PTPN5: variants seen among roughly 807,000 people sequenced by gnomAD.
The protein encoded by PTPN5 is tyrosine-protein phosphatase non-receptor type 5.
In PTPN5, 29 loss-of-function variants were observed where a neutral mutation model predicts 73.9. That is an observed-to-expected ratio of 0.39 (90% CI 0.29 to 0.54). PTPN5 has a LOEUF of 0.54. PTPN5 is among the 20% of genes least tolerant of loss of function. PTPN5 has a pLI of 0.65. For synonymous variants in PTPN5, 267 were observed against 304.7 expected (o/e 0.88, Z 1.29); for missense variants, 652 against 751.4 (o/e 0.87, Z 1.55).
Position 18,732,669 on chromosome 11 carries a change from C to T in PTPN5, c.1252G>A (p.Ala418Thr). ...CTEYWPEEQV[A>T]YDGVEITVQK... Reference sequence around the variant, plus strand: ...ACAGTGATCTCAACACCGTCGTACGCCACCTGCTCCTCCGGCCAATACTCG... The same window carrying T: ...ACAGTGATCTCAACACCGTCGTACGTCACCTGCTCCTCCGGCCAATACTCG... Residue 418 changes from alanine (A) to threonine (T), a missense_variant, in exon 12 of 15, where the codon GCG (alanine) becomes ACG (threonine). Transcript: ENST00000358540. 6.2e-7 allele frequency: 1 copy of T among 1,613,912 alleles called. No homozygotes were observed. The highest frequency in any genetic ancestry group is 8.5e-7 in the Non-Finnish European group (1 of 1,180,014).
chr11:18,779,387 G>C (rs1851317307), intron 1 of PTPN5, among the ~76,000 whole-genome samples: 2 of 152,058 alleles, frequency 1.3e-5, no homozygotes, highest in Admixed American at 6.6e-5. Context: ...TGTAAACTAG[G>C]AAAAAATCCC....
At chr11:18,770,048 G>A (rs542612453) in intron 2 of PTPN5, among the ~76,000 whole-genome samples, 1 of 151,712 alleles carries the variant, frequency 6.6e-6, no homozygotes, top group East Asian at 1.9e-4. Context: ...AACACGAAGT[G>A]GGGGAGCAGC....
intron 3 of PTPN5, among the ~76,000 whole-genome samples, chr11:18,756,581 C>A (rs1047091458): frequency 6.6e-5 from 10 of 151,924 alleles, no homozygotes; most frequent in African/African-American, 2.4e-4. Context: ...ATAGGCTGAG[C>A]CACTGCACCC....
At chr11:18,780,779 C>T (rs1396827621) in intron 1 of PTPN5, among the ~76,000 whole-genome samples, 4 of 152,184 alleles carry the variant, frequency 2.6e-5, no homozygotes, top group Non-Finnish European at 5.9e-5. Context: ...ATAAAACCCC[C>T]TCTTTATCCC....
At chr11:18,786,047 G>A (rs1851651948) in intron 1 of PTPN5, among the ~76,000 whole-genome samples, 2 of 152,330 alleles carry the variant, frequency 1.3e-5, no homozygotes, top group South Asian at 2.1e-4. Flanking sequence ...GGTGGCTTCT[G>A]TTCCATGTGC....
chr11:18,787,078 C>T (rs941598171), intron 1 of PTPN5, among the ~76,000 whole-genome samples: 7 of 152,096 alleles, frequency 4.6e-5, no homozygotes, highest in Non-Finnish European at 7.3e-5. Flanking sequence ...ATTTCAGGTA[C>T]GTTTTACTAT....
At chr11:18,780,094 C>T (rs907143877) in intron 1 of PTPN5, among the ~76,000 whole-genome samples, 1 of 152,186 alleles carries the variant, frequency 6.6e-6, no homozygotes, top group Non-Finnish European at 1.5e-5. Context: ...CTCTTTGTAC[C>T]AGGCAGTGCC....
intron 12 of PTPN5, chr11:18,730,790 C>T (rs1045815152): frequency 2.6e-5 from 4 of 152,266 alleles, no homozygotes; most frequent in Admixed American, 1.3e-4. Context: ...GACCCACTCT[C>T]CTCAGTCCTT....
Position 18,751,569 on chromosome 11 carries a change from G to T in PTPN5, c.98-7370C>A, listed in dbSNP as rs548746634. 1.7e-3 allele frequency among the ~76,000 whole-genome samples: 252 copies of T among 152,314 alleles called. 2 individuals are homozygous for T. Among genetic ancestry groups the T allele is most frequent in the African/African-American group, 5.8e-3 (240 of 41,572 alleles). ...AGAGATCCACGCAAGGAGGAGGTAG[G>T]AAGATGATAAGGGTTTGGGCCAGCA... On this transcript the variant is annotated intron_variant, in intron 3 of 14. Coordinates refer to ENST00000358540, the MANE Select transcript of PTPN5 (RefSeq NM_006906.2).
At position 18,742,155 on chromosome 11, in the gene PTPN5, C is replaced by A. The variant is rs1436066110; in HGVS notation, c.725+107G>T. On this transcript the variant is annotated intron_variant, in intron 7 of 14. Coordinates refer to ENST00000358540, the MANE Select transcript of PTPN5 (RefSeq NM_006906.2). The surrounding 1 kb of genome is among the most constrained non-coding windows in gnomAD (Gnocchi z 4.1). The stretch of plus-strand genomic sequence containing the variant: ...TGTCTACACTGGCTAAGCTATAAGG[C>A]CAGCTCTGCCCTGGGCACCAGGAGT... The A allele has an allele frequency of 2.7e-6, 4 of 1,496,720 alleles. No individual in the cohort carries two copies. The highest frequency in any genetic ancestry group is 3.6e-6 in the Non-Finnish European group (4 of 1,099,358). The allele number at this position is 1,496,720 out of a possible 1,614,324, so 92.7% of individuals were successfully genotyped here.
chr11:18,762,239 C>T (rs905050571), intron 3 of PTPN5, among the ~76,000 whole-genome samples: 3 of 152,140 alleles, frequency 2.0e-5, no homozygotes, highest in Non-Finnish European at 2.9e-5. Flanking sequence ...GGTGTGGGAA[C>T]GAATGAGCCA....
intron 3 of PTPN5, among the ~76,000 whole-genome samples, chr11:18,765,482 C>T (rs556140540): frequency 2.0e-5 from 3 of 152,230 alleles, no homozygotes; most frequent in Non-Finnish European, 2.9e-5. Flanking sequence ...CTCTTGAAGT[C>T]AGCCCAGCCC....
intron 2 of PTPN5, among the ~76,000 whole-genome samples, chr11:18,769,148 G>A (rs1411099474): frequency 7.9e-5 from 12 of 152,204 alleles, no homozygotes; most frequent in South Asian, 6.2e-4. Context: ...TTCAACAGGC[G>A]TGTGCTGAGC....
Position 18,742,550 on chromosome 11 carries a change from C to T in PTPN5, c.484-47G>A, listed in dbSNP as rs143686202. 6.3e-7 allele frequency: 1 copy of T among 1,599,618 alleles called. No individual in the cohort carries two copies. The highest frequency in any genetic ancestry group is 1.7e-5 in the Admixed American group (1 of 59,780). On this transcript the variant is annotated intron_variant, in intron 6 of 14. Coordinates refer to ENST00000358540, the MANE Select transcript of PTPN5 (RefSeq NM_006906.2). The surrounding 1 kb of genome is among the most constrained non-coding windows in gnomAD (Gnocchi z 4.1). The stretch of plus-strand genomic sequence containing the variant: ...ACAGATTTCGGACCACGCTGGCTGC[C>T]CCCCGTGTTCCTGGAGTGCCCATGG...
At chr11:18,776,590 G>A (rs1851168716) in intron 1 of PTPN5, among the ~76,000 whole-genome samples, 2 of 152,056 alleles carry the variant, frequency 1.3e-5, no homozygotes, top group Admixed American at 1.3e-4. Context: ...CCTCTCACTA[G>A]AACCATATGA....
intron 1 of PTPN5, among the ~76,000 whole-genome samples, chr11:18,784,757 C>A: frequency 6.6e-6 from 1 of 152,118 alleles, no homozygotes; most frequent in Non-Finnish European, 1.5e-5. Flanking sequence ...GCATGTCCCT[C>A]TGCCACCCCT....
intron 3 of PTPN5, among the ~76,000 whole-genome samples, chr11:18,764,920 G>A (rs982452103): frequency 3.9e-5 from 6 of 152,066 alleles, no homozygotes; most frequent in Admixed American, 2.0e-4. Flanking sequence ...CACCATGTTA[G>A]CCAGGATGGT....
chr11:18,732,816 AGT>A (rs1463805768), intron 11 of PTPN5, 114 bp from the exon 12 acceptor site: 7 of 830,088 alleles, frequency 8.4e-6, no homozygotes, highest in Non-Finnish European at 1.2e-5. Flanking sequence ...GCTGCTACAG[AGT>A]GTTGGGTTCA....
intron 3 of PTPN5, among the ~76,000 whole-genome samples, chr11:18,751,141 C>T (rs945386104): frequency 5.3e-5 from 8 of 152,328 alleles, no homozygotes; most frequent in Admixed American, 3.3e-4. Flanking sequence ...ACAGCCTGGC[C>T]TTGCTGGGCA....
Sources: allele counts gnomAD v4.1 joint callset (sites outside exome capture counted in the v4.1 genomes callset), GRCh38; gene constraint gnomAD v4.1.1; non-coding constraint Gnocchi (gnomAD v3.1); transcripts MANE v1.5; gene names NCBI Gene and HGNC (gene_info 2026-07-23, HGNC 2026-07-21).